CEP170: variants seen among roughly 807,000 people sequenced by gnomAD.
CEP170 encodes centrosomal protein of 170 kDa.
A neutral mutation model predicts 151.9 loss-of-function variants in CEP170; 21 were observed. The observed-to-expected ratio is 0.14, with a 90% CI of 0.10 to 0.20. The LOEUF is 0.20. Ranked by LOEUF, CEP170 falls within the 10% of genes least tolerant of loss-of-function variation. The pLI is 1.00. For synonymous variants in CEP170, 356 were observed against 648.8 expected (o/e 0.55, Z 6.86); for missense variants, 964 against 1,892.9 (o/e 0.51, Z 9.11).
chr1:243,126,622 G>A lies in CEP170; in HGVS notation c.4582C>T (p.His1528Tyr), dbSNP rs779506534. The change falls in exon 20 of 20, where the codon CAC becomes TAC. Residue 1528 changes from histidine (H) to tyrosine (Y), a missense_variant. Physicochemically the swap from His to Tyr is moderately conservative, Grantham distance 83. Coordinates refer to ENST00000366542, the MANE Select transcript of CEP170 (RefSeq NM_014812.3). ...AGTGTTGGTGTCTGACCCGGGCTGT[G>A]GTGGTTATTCACAGGGCTGGACTTC... ...KQKSSPVNNH[H>Y]SPGQTPTLGQ... 384 of 1,570,664 alleles carry A rather than the reference G, an allele frequency of 2.4e-4. No individual in the cohort carries two copies. The highest frequency in any genetic ancestry group is 3.2e-4 in the Non-Finnish European group (374 of 1,156,752).
At chr1:243,156,818 G>T in intron 13 of CEP170, 4 of 155,918 alleles carry the variant, frequency 2.6e-5, no homozygotes, top group East Asian at 1.9e-4. Context: ...GTGAAAATAT[G>T]AATTTTTCAA....
At chr1:243,206,816 G>C (rs2061453074) in intron 4 of CEP170, among the ~76,000 whole-genome samples, 1 of 152,164 alleles carries the variant, frequency 6.6e-6, no homozygotes, top group African/African-American at 2.4e-5. Flanking sequence ...GTATACTGTT[G>C]TAATGTTCTT....
intron 14 of CEP170, among the ~76,000 whole-genome samples, chr1:243,145,423 C>G (rs1433684610): frequency 6.6e-6 from 1 of 152,174 alleles, no homozygotes; most frequent in African/African-American, 2.4e-5. Context: ...TACAGGCGTG[C>G]ACCACCACGC....
In CEP170 at chr1:243,173,908, T is replaced by C. The variant is rs2059045050; in HGVS notation, c.1567-1062A>G. Among the ~76,000 whole-genome samples, 10 of 152,152 alleles carry C rather than the reference T, an allele frequency of 6.6e-5. 1 individual carries two copies. The South Asian group carries it at 2.1e-3, about 32-fold the overall frequency. On this transcript the variant is annotated intron_variant, in intron 10 of 19. Coordinates refer to ENST00000366542, the MANE Select transcript of CEP170 (RefSeq NM_014812.3). The stretch of plus-strand genomic sequence containing the variant: ...TTTTATCTGTTCCTTCCCTAGCAAA[T>C]GTTTACCATTTACACATCTGAGTTA...
intron 14 of CEP170, among the ~76,000 whole-genome samples, chr1:243,146,618 C>A (rs1478409933): frequency 6.6e-6 from 1 of 151,434 alleles, no homozygotes; most frequent in East Asian, 1.9e-4. Flanking sequence ...CTCCCCTGCA[C>A]CTCAAATAGA....
intron 8 of CEP170, 38 bp downstream of exon 8, chr1:243,190,980 C>T (rs755934074): frequency 5.5e-5 from 81 of 1,471,916 alleles, no homozygotes; most frequent in Non-Finnish European, 6.9e-5. Flanking sequence ...TTTTCTTTAT[C>T]GTAAAGTAGG....
chr1:243,224,958 C>A (rs183010029), intron 2 of CEP170, among the ~76,000 whole-genome samples: 2 of 152,216 alleles, frequency 1.3e-5, no homozygotes, highest in East Asian at 3.9e-4. Context: ...TAATAAACTT[C>A]TTTATTCTGA....
chr1:243,130,222 T>C (rs1384442254), intron 17 of CEP170, among the ~76,000 whole-genome samples: 2 of 152,184 alleles, frequency 1.3e-5, no homozygotes, highest in Non-Finnish European at 2.9e-5. Flanking sequence ...CAATTGTGTC[T>C]GTTAAGACCT....
intron 14 of CEP170, among the ~76,000 whole-genome samples, chr1:243,147,865 A>G (rs2056674776): frequency 6.6e-6 from 1 of 152,214 alleles, no homozygotes; most frequent in African/African-American, 2.4e-5. Context: ...GGGCCTACTG[A>G]TAACGAGCTA....
At chr1:243,172,621 A>C in intron 11 of CEP170, 76 bp downstream of exon 11, 1 of 1,268,268 alleles carries the variant, frequency 7.9e-7, no homozygotes, top group Non-Finnish European at 1.0e-6. Context: ...AACAGAGTGA[A>C]ACTCTGTCTC....
intron 2 of CEP170, 117 bp from the exon 3 acceptor site, chr1:243,221,930 AGT>A (rs2062852999): frequency 2.3e-6 from 2 of 856,388 alleles, no homozygotes; most frequent in African/African-American, 1.8e-5. Flanking sequence ...TATCAAAGTA[AGT>A]GTGGATTAAA....
At chr1:243,196,190 T>C (rs978159315) in intron 7 of CEP170, among the ~76,000 whole-genome samples, 1 of 152,104 alleles carries the variant, frequency 6.6e-6, no homozygotes, top group Non-Finnish European at 1.5e-5. Context: ...CTATGAAGTA[T>C]ATCCTTTTAG....
At chr1:243,247,855 G>A (rs1004033037) in intron 1 of CEP170, among the ~76,000 whole-genome samples, 2 of 152,198 alleles carry the variant, frequency 1.3e-5, no homozygotes, top group African/African-American at 2.4e-5. Context: ...GGGCAATAAG[G>A]GAAGGAGACC....
intron 13 of CEP170, among the ~76,000 whole-genome samples, chr1:243,157,259 G>A (rs2057647101): frequency 6.6e-6 from 1 of 152,298 alleles, no homozygotes; most frequent in East Asian, 1.9e-4. Context: ...CTTATTTACA[G>A]TTAGTAAAGA....
chr1:243,209,682 A>T (rs936648434), intron 4 of CEP170, among the ~76,000 whole-genome samples: 4 of 151,072 alleles, frequency 2.6e-5, no homozygotes, highest in Non-Finnish European at 4.4e-5. Context: ...ACTATAACAG[A>T]TGGTTTTTTT....
At chr1:243,221,111 G>A (rs941035931) in intron 3 of CEP170, among the ~76,000 whole-genome samples, 1 of 152,130 alleles carries the variant, frequency 6.6e-6, no homozygotes. Context: ...AACAAGCTCC[G>A]CCTCCCGGGT....
Position 243,124,703 on chromosome 1 carries a change from AATGCTG to A in CEP170, c.*1740_*1745del, listed in dbSNP as rs2148108673. The A allele has an allele frequency of 6.6e-6, 1 of 152,642 alleles. No homozygotes were observed. The highest frequency in any genetic ancestry group is 2.1e-4 in the South Asian group (1 of 4,818). 9.5% of individuals were successfully genotyped at this position (152,642 alleles called of 1,614,324 possible). A position where few individuals can be genotyped will look rare whatever the true frequency, so the allele number is the denominator to read the frequency against. On this transcript the variant is annotated 3_prime_UTR_variant, in exon 20 of 20. Transcript: ENST00000366542. Reference sequence around the variant, plus strand: ...CCAAATATTAAATAAAAGAGGGAGCAATGCTGATTATTTTGTCCAACTTTTTCTTCA... The same window carrying A: ...CCAAATATTAAATAAAAGAGGGAGCAATTATTTTGTCCAACTTTTTCTTCA...
intron 1 of CEP170, among the ~76,000 whole-genome samples, chr1:243,238,509 T>C (rs904879895): frequency 6.6e-6 from 1 of 151,736 alleles, no homozygotes; most frequent in African/African-American, 2.4e-5. Context: ...GCTTCTGCAA[T>C]TTTGAGGGTA....
Position 243,221,464 on chromosome 1 carries a change from A to C in CEP170, c.195+260T>G, listed in dbSNP as rs74150949. The C allele has an allele frequency of 0.026, 10,935 of 418,618 alleles. 1,027 individuals are homozygous for C. Among genetic ancestry groups the C allele is most frequent in the African/African-American group, 0.2 (9,805 of 48,408 alleles). 25.9% of individuals were successfully genotyped at this position (418,618 alleles called of 1,614,324 possible). ...ATAGTGAAGTCAAGCTTAGGTTCCA[A>C]CTCCTTAAAGAAGTCTTCTTTAGCC... On this transcript the variant is annotated intron_variant, in intron 3 of 19. Transcript: ENST00000366542.
Sources: gnomAD v4.1 joint callset for allele counts (sites outside exome capture counted in the v4.1 genomes callset) on GRCh38, gnomAD v4.1.1 for gene constraint, MANE v1.5 for transcripts, NCBI Gene and HGNC (gene_info 2026-07-23, HGNC 2026-07-21) for gene names.